Variants in PARN observed in about 807,000 individuals in gnomAD.
The protein encoded by PARN is poly(A)-specific ribonuclease PARN.
In PARN, 71 loss-of-function variants were observed where a neutral mutation model predicts 102.8. That is an observed-to-expected ratio of 0.69 (90% confidence interval 0.57 to 0.84). The LOEUF (loss-of-function observed/expected upper bound fraction) is 0.84, where lower values mean the gene tolerates loss of function less well. Ranked by LOEUF, PARN falls within the 40% of genes least tolerant of loss-of-function variation. The probability of loss-of-function intolerance (pLI) is 0.00; values close to 1 mark genes in which losing one functional copy is unlikely to be tolerated. For synonymous variants in PARN, 261 were observed against 252.9 expected (o/e 1.03, Z -0.30); for missense variants, 782 against 760.9 (o/e 1.03, Z -0.33).
chr16:14,451,844 A>T (rs1961460930), intron 22 of PARN, among the ~76,000 whole-genome samples: 4 of 56,344 alleles, frequency 7.1e-5, no homozygotes, highest in Non-Finnish European at 1.1e-4. Flanking sequence ...CCCCGTCTCT[A>T]AAAAAAAAAA....
chr16:14,579,961 T>G (rs1385806883), intron 18 of PARN, among the ~76,000 whole-genome samples: 3 of 148,862 alleles, frequency 2.0e-5, no homozygotes, highest in Non-Finnish European at 4.4e-5. Flanking sequence ...GCAGCCTGGG[T>G]GACAGAGTGA....
chr16:14,603,748 A>C (rs963364846), intron 11 of PARN, among the ~76,000 whole-genome samples: 2 of 152,218 alleles, frequency 1.3e-5, no homozygotes, highest in African/African-American at 4.8e-5. Context: ...GTGATGTTCC[A>C]ACAGTACAAC....
intron 21 of PARN, among the ~76,000 whole-genome samples, chr16:14,503,625 T>G (rs1237463376): frequency 1.3e-5 from 2 of 152,196 alleles, no homozygotes; most frequent in African/African-American, 4.8e-5. Context: ...CAAGGTGAAG[T>G]GGTCACCCGT....
chr16:14,580,477 G>A (rs556104956), intron 18 of PARN, among the ~76,000 whole-genome samples: 1 of 151,800 alleles, frequency 6.6e-6, no homozygotes, highest in East Asian at 1.9e-4. Flanking sequence ...TAATAGAGAC[G>A]AGTTTCATCA....
chr16:14,588,880 C>CA (rs1335080321), intron 13 of PARN, among the ~76,000 whole-genome samples: 1 of 151,012 alleles, frequency 6.6e-6, no homozygotes, highest in Non-Finnish European at 1.5e-5. Flanking sequence ...GACTCTGTCT[C>CA]AAAAAAACAA....
At chr16:14,547,036 T>C (rs1357024772) in intron 21 of PARN, among the ~76,000 whole-genome samples, 1 of 149,714 alleles carries the variant, frequency 6.7e-6, no homozygotes, top group Admixed American at 6.7e-5. Context: ...GAAGTTGCAG[T>C]GAGCCAAGAT....
chr16:14,461,908 C>T (rs754837816), intron 22 of PARN, among the ~76,000 whole-genome samples: 26 of 152,210 alleles, frequency 1.7e-4, no homozygotes, highest in Non-Finnish European at 3.1e-4. Context: ...TGCAGACACA[C>T]AGACTCTGAA....
chr16:14,510,718 C>A (rs1027002117), intron 21 of PARN, among the ~76,000 whole-genome samples: 5 of 152,210 alleles, frequency 3.3e-5, no homozygotes, highest in African/African-American at 1.2e-4. Flanking sequence ...ATGCTCCAGT[C>A]CTCGGCTGCC....
At chr16:14,569,010 G>A (rs1219651482) in intron 18 of PARN, among the ~76,000 whole-genome samples, 1 of 151,484 alleles carries the variant, frequency 6.6e-6, no homozygotes, top group Non-Finnish European at 1.5e-5. Flanking sequence ...CCAAGAGTTC[G>A]AGACCAGCCT....
At chr16:14,519,935 G>A (rs1017099186) in intron 21 of PARN, among the ~76,000 whole-genome samples, 1 of 151,968 alleles carries the variant, frequency 6.6e-6, no homozygotes, top group South Asian at 2.1e-4. Context: ...CATTAACACA[G>A]CCAATAAATC....
At chr16:14,582,078 GC>G (rs1969565048) in intron 17 of PARN, 102 bp downstream of exon 17, 1 of 787,132 alleles carries the variant, frequency 1.3e-6, no homozygotes, top group South Asian at 1.4e-5. Flanking sequence ...TGTTGTTTAA[GC>G]CCCACACTCG....
At chr16:14,542,944 G>A (rs560948640) in intron 21 of PARN, among the ~76,000 whole-genome samples, 1 of 152,330 alleles carries the variant, frequency 6.6e-6, no homozygotes, top group East Asian at 1.9e-4. Context: ...CCCAAATCCT[G>A]TGAAAACTAT....
intron 9 of PARN, among the ~76,000 whole-genome samples, chr16:14,607,933 C>T (rs1423602897): frequency 6.6e-6 from 1 of 152,156 alleles, no homozygotes; most frequent in African/African-American, 2.4e-5. Flanking sequence ...CATAGTCTCA[C>T]CCTAAGTTAA....
At chr16:14,606,447 G>T (rs200109706) in intron 10 of PARN, 37 bp downstream of exon 10, 9 of 1,186,852 alleles carry the variant, frequency 7.6e-6, no homozygotes, top group Non-Finnish European at 1.1e-5. Flanking sequence ...AACAATGGAT[G>T]TGTTTAATGT....
At chr16:14,582,354 AT>A in intron 16 of PARN, 63 bp from the exon 17 acceptor site, 1 of 1,041,230 alleles carries the variant, frequency 9.6e-7, no homozygotes, top group Non-Finnish European at 1.5e-6. Context: ...TGCCCTACCA[AT>A]CAAAATTGCA....
chr16:14,589,860 C>G (rs1467006267), intron 13 of PARN, among the ~76,000 whole-genome samples: 2 of 150,986 alleles, frequency 1.3e-5, no homozygotes, highest in Non-Finnish European at 3.0e-5. Context: ...GAGTAAGACT[C>G]CATCTCAAAA....
intron 5 of PARN, among the ~76,000 whole-genome samples, chr16:14,626,074 A>G (rs933853814): frequency 1.3e-5 from 2 of 152,176 alleles, no homozygotes; most frequent in Non-Finnish European, 1.5e-5. Context: ...TTGACCCATC[A>G]ATTAAGCTCT....
chr16:14,549,768 T>C (rs1967179258), intron 21 of PARN, among the ~76,000 whole-genome samples: 1 of 152,254 alleles, frequency 6.6e-6, no homozygotes. Context: ...AATAATTACC[T>C]ACCACGGGTC....
At chr16:14,489,760 A>C (rs1963958245) in intron 21 of PARN, among the ~76,000 whole-genome samples, 1 of 152,156 alleles carries the variant, frequency 6.6e-6, no homozygotes, top group African/African-American at 2.4e-5. Flanking sequence ...GTACTAGGAA[A>C]CTGCTGAAGC....
Sources: allele counts gnomAD v4.1 joint callset (sites outside exome capture counted in the v4.1 genomes callset), GRCh38; gene constraint gnomAD v4.1.1; transcripts MANE v1.5; gene names NCBI Gene and HGNC (gene_info 2026-07-23, HGNC 2026-07-21).